The following CIROZ variants were observed in gnomAD, a reference collection of about 807,000 sequenced individuals.
The protein encoded by CIROZ is ciliated left-right organizer ZP-N domains-containing protein.
chr1:10,955,255 G>A, the CIROZ span: 4 of 1,451,040 alleles, frequency 2.8e-6, no homozygotes, highest in African/African-American at 2.8e-5. Context: ...ATTAAGTGGT[G>A]GTGGGCCTTT....
At chr1:10,949,934 G>A in the CIROZ span, 2 of 885,346 alleles carry the variant, frequency 2.3e-6, no homozygotes, top group Admixed American at 6.0e-5. Flanking sequence ...GCTTGGGGAG[G>A]TCAGATGCAA....
the CIROZ span, chr1:10,964,291 C>T: frequency 1.3e-6 from 2 of 1,594,358 alleles, no homozygotes; most frequent in East Asian, 2.3e-5. Context: ...GGGCAAAATT[C>T]ATGTATGCAA....
At chr1:10,969,832 G>T in the CIROZ span, 1 of 1,301,096 alleles carries the variant, frequency 7.7e-7, no homozygotes, top group East Asian at 2.7e-5. Context: ...AAGGGCTGTG[G>T]GGGGAGGTGG....
the CIROZ span, among the ~76,000 whole-genome samples, chr1:10,955,715 G>A: frequency 6.6e-6 from 1 of 151,768 alleles, no homozygotes; most frequent in Admixed American, 6.6e-5. Flanking sequence ...GTGGTGGCGG[G>A]TGCCTGTAAT....
At chr1:10,948,553 G>T in the CIROZ span, 1 of 1,614,096 alleles carries the variant, frequency 6.2e-7, no homozygotes, top group East Asian at 2.2e-5. Flanking sequence ...AGTGATTCAG[G>T]TCGTTCAGGC....
the CIROZ span, chr1:10,958,836 G>T: frequency 2.1e-6 from 3 of 1,420,268 alleles, no homozygotes; most frequent in East Asian, 2.3e-5. Flanking sequence ...CATCAGCACC[G>T]GCAATTACCC....
At chr1:10,957,501 C>T in the CIROZ span, 2 of 1,468,038 alleles carry the variant, frequency 1.4e-6, no homozygotes, top group Non-Finnish European at 1.8e-6. Flanking sequence ...CTAAATCTGT[C>T]CAGTCTCGCA....
the CIROZ span, among the ~76,000 whole-genome samples, chr1:10,963,624 A>G: frequency 1.3e-5 from 2 of 152,202 alleles, no homozygotes; most frequent in South Asian, 4.1e-4. Flanking sequence ...ACACACGGCC[A>G]TGAAAGAGCT....
chr1:10,966,273 T>C, the CIROZ span: 2 of 1,395,988 alleles, frequency 1.4e-6, no homozygotes, highest in Non-Finnish European at 1.9e-6. Context: ...AATGGTGCAG[T>C]GTCTCCTTAC....
At chr1:10,973,867 TCTGCCTTCCCGGGTGCAGCGGCAG>T in the CIROZ span, among the ~76,000 whole-genome samples, 1 of 151,986 alleles carries the variant, frequency 6.6e-6, no homozygotes, top group Non-Finnish European at 1.5e-5. Flanking sequence ...GCAGGCAGGA[TCTGCCTTCCCGGGTGCAGCGGCAG>T]CTGCCTTCCC....
chr1:10,955,878 C>G, the CIROZ span, among the ~76,000 whole-genome samples: 4 of 151,704 alleles, frequency 2.6e-5, no homozygotes, highest in Non-Finnish European at 5.9e-5. Flanking sequence ...AAATACAGCT[C>G]CTATCAGTTG....
At chr1:10,953,984 T>C in the CIROZ span, 1 of 1,589,274 alleles carries the variant, frequency 6.3e-7, no homozygotes, top group South Asian at 1.2e-5. Flanking sequence ...GTGTGCCTGT[T>C]ACCAGCAGTC....
At chr1:10,949,646 C>T in the CIROZ span, 69,192 of 1,605,452 alleles carry the variant, frequency 0.043, 2,479 homozygotes, top group African/African-American at 0.19. Context: ...GTCGGAAGGC[C>T]GGTGCAGGAG....
At chr1:10,960,851 G>C in the CIROZ span, among the ~76,000 whole-genome samples, 1 of 152,142 alleles carries the variant, frequency 6.6e-6, no homozygotes, top group Admixed American at 6.5e-5. The surrounding 1 kb of genome is among the most constrained non-coding windows in gnomAD (Gnocchi z 4.6). Context: ...CGGAAGTGGC[G>C]GCTGCAGAAG....
the CIROZ span, among the ~76,000 whole-genome samples, chr1:10,958,403 A>G: frequency 6.6e-6 from 1 of 152,222 alleles, no homozygotes; most frequent in Non-Finnish European, 1.5e-5. Context: ...GCTCCCTGTC[A>G]CTGGAGACTT....
At chr1:10,958,729 C>T in the CIROZ span, 2 of 1,614,120 alleles carry the variant, frequency 1.2e-6, no homozygotes, top group Admixed American at 1.7e-5. Context: ...TATTGTCCCT[C>T]CACAGGGGCA....
chr1:10,974,371 G>A, the CIROZ span, among the ~76,000 whole-genome samples: 3 of 152,122 alleles, frequency 2.0e-5, no homozygotes, highest in African/African-American at 4.8e-5. This position sits in a 1 kb window ranked among gnomAD's most constrained non-coding sequence, Gnocchi z 4.4. Flanking sequence ...TCTCTGCTGA[G>A]AGCAGTAGAG....
At chr1:10,947,894 C>T in the CIROZ span, 1 of 1,613,466 alleles carries the variant, frequency 6.2e-7, no homozygotes. Context: ...GTGCAACCCC[C>T]CACTCCTCCT....
chr1:10,966,302 C>A, the CIROZ span: 4 of 1,471,356 alleles, frequency 2.7e-6, no homozygotes, highest in Non-Finnish European at 3.6e-6. Context: ...TGAGCTCAGG[C>A]TTAGCTCCTT....
Sources: allele counts gnomAD v4.1 joint callset (sites outside exome capture counted in the v4.1 genomes callset), GRCh38; gene constraint gnomAD v4.1.1; non-coding constraint Gnocchi (gnomAD v3.1); transcripts MANE v1.5; gene names NCBI Gene and HGNC (gene_info 2026-07-23, HGNC 2026-07-21).